POLR3C: variants seen among roughly 807,000 people sequenced by gnomAD.
The protein encoded by POLR3C is RNA polymerase III subunit C, also known as DNA-directed RNA polymerase III subunit RPC3.
In POLR3C, 44 loss-of-function variants were observed where a neutral mutation model predicts 65.9. The observed-to-expected ratio is 0.67, with a 90% CI of 0.52 to 0.86. The LOEUF is 0.86. POLR3C is among the 40% of genes least tolerant of loss of function. The pLI is 0.00. For missense variants in POLR3C, 576 were observed against 653.2 expected (o/e 0.88, Z 1.29); for synonymous variants, 263 against 231.6 (o/e 1.14, Z -1.23).
chr1:145,828,806 A>G lies in POLR3C; in HGVS notation c.647A>G (p.Lys216Arg), dbSNP rs1553726469. ...GATGCTGCTGGGGAGCCCAAGGCCAAGAGACCAAAATATACTACAGATAAC... is the reference window on the plus strand; with the variant it reads ...GATGCTGCTGGGGAGCCCAAGGCCAGGAGACCAAAATATACTACAGATAAC... Reference protein sequence around the residue: ...DEDAAGEPKAKRPKYTTDNKE... With the variant: ...DEDAAGEPKARRPKYTTDNKE... The change falls in exon 5 of 15, where the codon AAG becomes AGG. Residue 216 changes from lysine to arginine, a missense_variant. Lys to Arg is a conservative substitution (Grantham distance 26). Coordinates refer to ENST00000334163, the MANE Select transcript of POLR3C (RefSeq NM_006468.8). 1.9e-6 allele frequency: 3 copies of G among 1,603,108 alleles called. No homozygotes were observed. The highest frequency in any genetic ancestry group is 3.3e-5 in the Admixed American group (2 of 60,000).
chr1:145,828,714 GAT>G, intron 4 of POLR3C, 33 bp from the exon 5 acceptor site: 1 of 1,338,770 alleles, frequency 7.5e-7, no homozygotes, highest in Non-Finnish European at 1.1e-6. Context: ...CATCATATGA[GAT>G]ATAGTCTAAG....
At position 145,829,320 on chromosome 1, in the gene POLR3C, C is replaced by G. The variant is rs1407551302; in HGVS notation, c.678+483C>G. On this transcript the variant is annotated intron_variant, in intron 5 of 14. Transcript: ENST00000334163. ...TAAAAGACACTACCACGTAGGCCAG[C>G]CGCCTAGGACACCACCATTTCTGCT... Among the ~76,000 whole-genome samples, 4 of 152,290 alleles carry G rather than the reference C, an allele frequency of 2.6e-5. No homozygotes were observed. In the Middle Eastern group the frequency reaches 0.014, roughly 518 times the overall value.
In POLR3C at chr1:145,843,270, C is replaced by T. The variant is rs1652427175; in HGVS notation, c.*850C>T. 6.6e-6 allele frequency among the ~76,000 whole-genome samples: 1 copy of T among 152,176 alleles called. No homozygotes were observed. Among genetic ancestry groups the T allele is most frequent in the African/African-American group, 2.4e-5 (1 of 41,432 alleles). ...TGGTAAGCACACAGTAAATTAGCGC[C>T]TTCCTCTTCTCCATGGTTCCTTAAA... is the stretch of plus-strand genomic sequence containing the variant. On this transcript the variant is annotated 3_prime_UTR_variant, in exon 15 of 15. Transcript: ENST00000334163.
chr1:145,832,614 G>T (rs1651428761), intron 5 of POLR3C, among the ~76,000 whole-genome samples: 1 of 152,192 alleles, frequency 6.6e-6, no homozygotes, highest in African/African-American at 2.4e-5. Context: ...AGCTGAGTGA[G>T]TTCTGGCCTA....
At chr1:145,837,642 C>A in intron 10 of POLR3C, 46 bp downstream of exon 10, 2 of 1,204,678 alleles carry the variant, frequency 1.7e-6, no homozygotes, top group Non-Finnish European at 2.5e-6. Flanking sequence ...CTTCCTATCC[C>A]CAGTGAAGTA....
At chr1:145,833,792 A>G (rs1475764928) in intron 7 of POLR3C, among the ~76,000 whole-genome samples, 2 of 152,216 alleles carry the variant, frequency 1.3e-5, no homozygotes, top group Non-Finnish European at 2.9e-5. Context: ...TCACTTAGTC[A>G]AAGTATCTAT....
intron 14 of POLR3C, among the ~76,000 whole-genome samples, chr1:145,841,475 C>T (rs1307183719): frequency 6.6e-6 from 1 of 152,252 alleles, no homozygotes; most frequent in Non-Finnish European, 1.5e-5. Flanking sequence ...TCTTGGTCCA[C>T]ACGCAGGCCT....
At chr1:145,835,144 CAAAAAAA>C (rs56819606) in intron 7 of POLR3C, among the ~76,000 whole-genome samples, 11 of 47,320 alleles carry the variant, frequency 2.3e-4, no homozygotes, top group South Asian at 7.8e-4. Context: ...AACCCTATTT[CAAAAAAA>C]AAAAAAAAAA....
chr1:145,836,246 A>G (rs1398342338), intron 7 of POLR3C, among the ~76,000 whole-genome samples: 1 of 150,696 alleles, frequency 6.6e-6, no homozygotes, highest in East Asian at 2.0e-4. Context: ...TCAGCCTCCC[A>G]AATAGCTGGG....
At chr1:145,836,717 G>T in intron 8 of POLR3C, 98 bp from the exon 9 acceptor site, 2 of 949,412 alleles carry the variant, frequency 2.1e-6, no homozygotes, top group Non-Finnish European at 3.5e-6. Context: ...CATTTGATAG[G>T]AGGGCTACCT....
chr1:145,828,905 C>T (rs1477149265), intron 5 of POLR3C, 68 bp downstream of exon 5: 1 of 829,648 alleles, frequency 1.2e-6, no homozygotes, highest in Admixed American at 1.9e-5. Context: ...AGATAACAAG[C>T]CCCAAGAGAG....
rs58596799 is a variant in POLR3C, at chr1:145,842,809, A to AGATAGATAGAT, written c.*397_*398insGATGATAGATA. ...TGAGATAGGTGATAGATAGATAGAT[A>AGATAGATAGAT]GATAGATAATTTGTTGTTGTTGAGA... On this transcript the variant is annotated 3_prime_UTR_variant, in exon 15 of 15. Transcript: ENST00000334163. Among the ~76,000 whole-genome samples the AGATAGATAGAT allele has an allele frequency of 6.6e-6, 1 of 151,806 alleles. No homozygotes were observed. The highest frequency in any genetic ancestry group is 2.4e-5 in the African/African-American group (1 of 41,172).
Position 145,843,608 on chromosome 1 carries a change from T to C in POLR3C, c.*1188T>C, listed in dbSNP as rs146055816. Among the ~76,000 whole-genome samples the C allele has an allele frequency of 1.7e-4, 26 of 152,240 alleles. No individual in the cohort carries two copies. The highest frequency in any genetic ancestry group is 5.5e-4 in the African/African-American group (23 of 41,526). On this transcript the variant is annotated 3_prime_UTR_variant, in exon 15 of 15. Transcript: ENST00000334163. ...ATTAATAAATTTTGAGCATACAGTCTAGTAGGAGGAGACAAATAAGTACAT... is the reference window on the plus strand; with the variant it reads ...ATTAATAAATTTTGAGCATACAGTCCAGTAGGAGGAGACAAATAAGTACAT...
chr1:145,836,699 C>T (rs1651878911), intron 8 of POLR3C, 116 bp from the exon 9 acceptor site: 3 of 939,652 alleles, frequency 3.2e-6, no homozygotes, highest in Non-Finnish European at 5.3e-6. Context: ...CAGACAATTT[C>T]TCCACATCAT....
chr1:145,826,603 C>T lies in POLR3C; in HGVS notation c.297C>T (p.Tyr99=). ...PRYIYTTKTL[Y]SDTGELIVEE... is the part of the protein sequence containing the mutation. Reference sequence around the variant, plus strand: ...ACATCTATACTACCAAAACTCTGTACAGTGACACTGGAGAGCTGATTGTTG... The same window carrying T: ...ACATCTATACTACCAAAACTCTGTATAGTGACACTGGAGAGCTGATTGTTG... The change falls in exon 3 of 15, where the codon TAC becomes TAT. Residue 99 remains tyrosine (Y), a synonymous_variant. Coordinates refer to ENST00000334163, the MANE Select transcript of POLR3C (RefSeq NM_006468.8). 1 of 1,614,102 alleles carries T rather than the reference C, an allele frequency of 6.2e-7. No homozygotes were observed. Among genetic ancestry groups the T allele is most frequent in the Non-Finnish European group, 8.5e-7 (1 of 1,179,962 alleles).
intron 7 of POLR3C, among the ~76,000 whole-genome samples, chr1:145,835,010 G>A (rs1187506973): frequency 2.0e-5 from 3 of 151,586 alleles, no homozygotes; most frequent in African/African-American, 4.9e-5. Flanking sequence ...GTTGGGTGTG[G>A]TGCCATATGC....
rs377048191 is a variant in POLR3C at position 145,824,210 on chromosome 1, G to T, written c.-180G>T. The T allele has an allele frequency of 3.3e-6, 1 of 306,344 alleles. No homozygotes were observed. Among genetic ancestry groups the T allele is most frequent in the Non-Finnish European group, 6.2e-6 (1 of 161,974 alleles). 19.0% of individuals were successfully genotyped at this position (306,344 alleles called of 1,614,324 possible). ...CCGAAACTCTGGGGTAGAGTGGCAC[G>T]CGCTTTTTGCTTTTCCGCGTCTTCT... On this transcript the variant is annotated 5_prime_UTR_variant, in exon 1 of 15. Coordinates refer to ENST00000334163, the MANE Select transcript of POLR3C (RefSeq NM_006468.8).
intron 4 of POLR3C, among the ~76,000 whole-genome samples, 197 bp from the exon 5 acceptor site, chr1:145,828,550 AAG>A (rs1336618836): frequency 6.6e-6 from 1 of 152,144 alleles, no homozygotes; most frequent in Admixed American, 6.5e-5. Flanking sequence ...GAAAGACTAT[AAG>A]ACTCTTTTTG....
At chr1:145,834,771 C>T (rs12044166) in intron 7 of POLR3C, among the ~76,000 whole-genome samples, 256 of 152,236 alleles carry the variant, frequency 1.7e-3, no homozygotes, top group East Asian at 0.017. Context: ...CAGCTGCACA[C>T]GGTCCGTTGT....
Sources: allele counts gnomAD v4.1 joint callset (sites outside exome capture counted in the v4.1 genomes callset), GRCh38; gene constraint gnomAD v4.1.1; transcripts MANE v1.5; gene names NCBI Gene and HGNC (gene_info 2026-07-23, HGNC 2026-07-21).